VPS8: variants seen among roughly 807,000 people sequenced by gnomAD.
VPS8 encodes the protein vacuolar protein sorting-associated protein 8 homolog.
Under a neutral mutation model 216.4 loss-of-function variants are expected in VPS8, and 129 were observed. That is an observed-to-expected ratio of 0.60 (90% confidence interval 0.52 to 0.69). The LOEUF (loss-of-function observed/expected upper bound fraction) is 0.69, where lower values mean the gene tolerates loss of function less well. Among genes scored for constraint, VPS8 ranks in the 30% least tolerant of loss-of-function variants. VPS8 has a pLI of 0.00. For synonymous variants in VPS8, 571 were observed against 565.4 expected (o/e 1.01, Z -0.14); for missense variants, 1,531 against 1,683.5 (o/e 0.91, Z 1.59).
chr3:184,825,870 C>G (rs1718648446), intron 2 of VPS8, among the ~76,000 whole-genome samples: 1 of 151,134 alleles, frequency 6.6e-6, no homozygotes, highest in Non-Finnish European at 1.5e-5. Flanking sequence ...CATTGCACTC[C>G]AGCCTGGGCA....
intron 34 of VPS8, among the ~76,000 whole-genome samples, chr3:184,935,878 G>A (rs572437023): frequency 6.6e-5 from 10 of 152,104 alleles, no homozygotes; most frequent in Admixed American, 3.9e-4. Flanking sequence ...ATTCTTTCTC[G>A]TTTCTTCAAG....
chr3:184,836,719 A>C (rs1721160698), intron 5 of VPS8, among the ~76,000 whole-genome samples: 1 of 152,058 alleles, frequency 6.6e-6, no homozygotes, highest in Admixed American at 6.5e-5. Context: ...ATTTTTGGAT[A>C]TTTCTCCCTG....
At chr3:184,819,674 A>G (rs2108482275) in intron 1 of VPS8, among the ~76,000 whole-genome samples, 1 of 152,288 alleles carries the variant, frequency 6.6e-6, no homozygotes, top group Non-Finnish European at 1.5e-5. Context: ...ACCAGAAACA[A>G]ATTAACTTAT....
chr3:184,866,347 T>C (rs917847256), intron 16 of VPS8, among the ~76,000 whole-genome samples: 1 of 152,182 alleles, frequency 6.6e-6, no homozygotes, highest in Non-Finnish European at 1.5e-5. Flanking sequence ...AAAAGGCAAA[T>C]GTAATTTATA....
At chr3:185,025,991 C>T (rs954417297) in intron 46 of VPS8, among the ~76,000 whole-genome samples, 6 of 152,124 alleles carry the variant, frequency 3.9e-5, no homozygotes, top group African/African-American at 1.4e-4. Flanking sequence ...CTATGTTTGA[C>T]ATATAGTAAG....
intron 2 of VPS8, among the ~76,000 whole-genome samples, chr3:184,825,314 A>G (rs189316858): frequency 5.8e-4 from 89 of 152,342 alleles, no homozygotes; most frequent in African/African-American, 2.1e-3. Flanking sequence ...GCATGCAGCT[A>G]TGTAAATGAC....
chr3:184,971,758 A>T lies in VPS8; in HGVS notation c.3420+6A>T. ...TGAACCAGCAGCAACGTGAGGTAGG[A>T]GAATGACTGTTTAGGTATTTAAAAG... On this transcript the variant is annotated splice_donor_region_variant and intron_variant, in intron 40 of 47. Coordinates refer to ENST00000625842, the MANE Select transcript of VPS8 (RefSeq NM_001009921.3). 1 of 1,610,590 alleles carries T rather than the reference A, an allele frequency of 6.2e-7. No individual in the cohort carries two copies.
At chr3:184,985,813 TG>T (rs1246467943) in intron 42 of VPS8, among the ~76,000 whole-genome samples, 1 of 152,148 alleles carries the variant, frequency 6.6e-6, no homozygotes, top group Non-Finnish European at 1.5e-5. Flanking sequence ...TTATATGGAC[TG>T]GAAGAGTGAA....
intron 1 of VPS8, among the ~76,000 whole-genome samples, chr3:184,815,330 G>A (rs529366936): frequency 2.0e-5 from 3 of 152,202 alleles, no homozygotes; most frequent in African/African-American, 7.2e-5. Context: ...CAGTGCGGTA[G>A]GTCTGTTTAC....
intron 21 of VPS8, among the ~76,000 whole-genome samples, chr3:184,874,300 A>C (rs1307153856): frequency 6.6e-6 from 1 of 152,210 alleles, no homozygotes; most frequent in Non-Finnish European, 1.5e-5. Context: ...GCTGGAATAG[A>C]TTAGTAAATA....
intron 7 of VPS8, 92 bp downstream of exon 7, chr3:184,839,844 A>C (rs1176503802): frequency 1.4e-6 from 2 of 1,471,570 alleles, no homozygotes; most frequent in East Asian, 5.2e-5. Flanking sequence ...AGTGTACTTG[A>C]TTTTCTTGAA....
At chr3:184,894,073 A>G (rs1732871725) in intron 22 of VPS8, among the ~76,000 whole-genome samples, 1 of 152,226 alleles carries the variant, frequency 6.6e-6, no homozygotes, top group African/African-American at 2.4e-5. Flanking sequence ...TTGTTTCTGC[A>G]ATAAAATTGT....
At chr3:184,832,910 C>T (rs1442729783) in intron 4 of VPS8, 91 bp downstream of exon 4, 2 of 1,428,256 alleles carry the variant, frequency 1.4e-6, no homozygotes, top group Non-Finnish European at 1.9e-6. Flanking sequence ...ACAATATGGT[C>T]TGTTGAAGCC....
chr3:184,897,529 T>C (rs896132154), intron 23 of VPS8, among the ~76,000 whole-genome samples: 9 of 152,092 alleles, frequency 5.9e-5, no homozygotes, highest in African/African-American at 2.2e-4. Context: ...AATTAAGTAG[T>C]TGGATATATG....
At chr3:184,913,840 A>G (rs150030776) in intron 26 of VPS8, among the ~76,000 whole-genome samples, 199 of 152,322 alleles carry the variant, frequency 1.3e-3, no homozygotes, top group Non-Finnish European at 2.5e-3. Context: ...GCATCATACA[A>G]TGCACAGAAT....
Position 184,988,567 on chromosome 3 carries a change from A to G in VPS8, c.3586-5416A>G, listed in dbSNP as rs142311054. ...ACACTGTCTTGATTAGTTTTATAGT[A>G]GGTCTTAAAGTCAGGGAGTGACAAT... On this transcript the variant is annotated intron_variant, in intron 42 of 47. Transcript: ENST00000625842. 7.9e-3 allele frequency among the ~76,000 whole-genome samples: 1,198 copies of G among 152,336 alleles called. 7 individuals carry two copies. The highest frequency in any genetic ancestry group is 0.01 in the Non-Finnish European group (709 of 68,022).
At chr3:184,994,345 T>TA (rs895255151) in intron 43 of VPS8, among the ~76,000 whole-genome samples, 14 of 150,932 alleles carry the variant, frequency 9.3e-5, no homozygotes, top group Non-Finnish European at 1.2e-4. Flanking sequence ...CTACAAAAAA[T>TA]AAAAAAAAAT....
chr3:184,814,431 C>T (rs1400513421), intron 1 of VPS8, among the ~76,000 whole-genome samples: 2 of 152,216 alleles, frequency 1.3e-5, no homozygotes, highest in Non-Finnish European at 2.9e-5. Context: ...ATTGTGCATG[C>T]ATCATAGTGT....
intron 13 of VPS8, 112 bp downstream of exon 13, chr3:184,854,285 G>A (rs1329896900): frequency 1.7e-6 from 2 of 1,187,440 alleles, no homozygotes; most frequent in African/African-American, 3.0e-5. Context: ...TAGACAGGAT[G>A]AAAGTCAGTG....
Sources: allele counts gnomAD v4.1 joint callset (sites outside exome capture counted in the v4.1 genomes callset), GRCh38; gene constraint gnomAD v4.1.1; transcripts MANE v1.5; gene names NCBI Gene and HGNC (gene_info 2026-07-23, HGNC 2026-07-21).